Variants in RNF212B observed in about 807,000 individuals in gnomAD.
RNF212B encodes E3 ubiquitin-protein ligase RNF212B.
In RNF212B, 52 loss-of-function variants were observed where a neutral mutation model predicts 55.5. That is an observed-to-expected ratio of 0.94 (90% CI 0.75 to 1.18). The LOEUF (loss-of-function observed/expected upper bound fraction) is 1.18. RNF212B is among the 50% of genes most tolerant of loss of function. RNF212B has a pLI of 0.00. For missense variants in RNF212B, 289 were observed against 350.4 expected (o/e 0.82, Z 1.40); for synonymous variants, 99 against 121.4 (o/e 0.82, Z 1.21).
chr14:23,261,399 G>T (rs1044267124), intron 7 of RNF212B: 4 of 152,286 alleles, frequency 2.6e-5, no homozygotes, highest in Admixed American at 2.0e-4. Flanking sequence ...AATAAATTTT[G>T]CTTTTAAGAG....
At chr14:23,205,615 CCTTGTT>C (rs1002575515) in intron 2 of RNF212B, among the ~76,000 whole-genome samples, 28 of 152,164 alleles carry the variant, frequency 1.8e-4, no homozygotes, top group African/African-American at 6.5e-4. Context: ...TCCAAGCTGT[CCTTGTT>C]CATTCCTGGG....
intron 4 of RNF212B, among the ~76,000 whole-genome samples, chr14:23,255,708 T>G (rs1341555378): frequency 6.6e-6 from 1 of 152,150 alleles, no homozygotes; most frequent in African/African-American, 2.4e-5. Context: ...CTAAAAAAAT[T>G]TTTTTAATTT....
At chr14:23,271,965 A>C (rs1176737935) in intron 14 of RNF212B, among the ~76,000 whole-genome samples, 3 of 152,186 alleles carry the variant, frequency 2.0e-5, no homozygotes, top group Non-Finnish European at 4.4e-5. Flanking sequence ...GTACATACTA[A>C]AGTATTTATG....
intron 2 of RNF212B, among the ~76,000 whole-genome samples, chr14:23,222,022 C>T (rs1034472209): frequency 6.6e-5 from 10 of 151,908 alleles, no homozygotes; most frequent in African/African-American, 2.4e-4. Context: ...CTATAAGTGT[C>T]TACATCAAAA....
chr14:23,265,967 G>T (rs1885661569), intron 11 of RNF212B, among the ~76,000 whole-genome samples: 1 of 152,038 alleles, frequency 6.6e-6, no homozygotes, highest in Non-Finnish European at 1.5e-5. Context: ...TCATTCCAAA[G>T]GTTGTTTGTT....
rs984955607 is a variant in RNF212B, at chr14:23,259,967, A to C, written c.405+23A>C. 2.4e-6 allele frequency: 3 copies of C among 1,271,364 alleles called. No individual in the cohort carries two copies. The East Asian group carries it at 8.0e-5, about 34-fold the overall frequency. 78.8% of individuals were successfully genotyped at this position (1,271,364 alleles called of 1,614,324 possible). On this transcript the variant is annotated intron_variant, in intron 6 of 14. Coordinates refer to ENST00000430154, the MANE Select transcript of RNF212B (RefSeq NM_001282322.3). ...AAGGTGAATGAAATAGATTTTCCTT[A>C]TTATTATTTTCTCTCTTACTTTTCT...
At chr14:23,209,571 G>A (rs1043512419) in intron 2 of RNF212B, among the ~76,000 whole-genome samples, 1 of 152,134 alleles carries the variant, frequency 6.6e-6, no homozygotes, top group African/African-American at 2.4e-5. Flanking sequence ...TGGTGGAGTG[G>A]AAACAAATCT....
intron 2 of RNF212B, among the ~76,000 whole-genome samples, chr14:23,205,889 C>G (rs61976534): frequency 0.045 from 6,903 of 152,212 alleles, 205 homozygotes; most frequent in Non-Finnish European, 0.068. Context: ...AGTTTTGTAA[C>G]TTCTATGCCA....
chr14:23,189,864 C>T (rs1304740636), intron 1 of RNF212B, among the ~76,000 whole-genome samples: 1 of 152,074 alleles, frequency 6.6e-6, no homozygotes, highest in Admixed American at 6.5e-5. Flanking sequence ...TTTCAGCTAC[C>T]ACCCAACTTC....
intron 2 of RNF212B, among the ~76,000 whole-genome samples, chr14:23,222,478 T>C (rs912526731): frequency 7.2e-5 from 11 of 152,076 alleles, no homozygotes; most frequent in African/African-American, 2.7e-4. Flanking sequence ...AGTAACAAGA[T>C]AGAAGTCACA....
At chr14:23,224,223 A>G (rs1368578447) in intron 2 of RNF212B, among the ~76,000 whole-genome samples, 1 of 150,500 alleles carries the variant, frequency 6.6e-6, no homozygotes, top group Non-Finnish European at 1.5e-5. Flanking sequence ...ATTCTCCACA[A>G]ATATAGAATG....
At chr14:23,233,446 C>G (rs1225680222), upstream of RNF212B, among the ~76,000 whole-genome samples, 2 of 149,174 alleles carry the variant, frequency 1.3e-5, no homozygotes, top group Non-Finnish European at 3.0e-5. Context: ...AAAATTTTAT[C>G]TGGGTTTGGT....
In RNF212B at chr14:23,269,144, A is replaced by C. The variant is rs1053700922; in HGVS notation, c.674+181A>C. On this transcript the variant is annotated intron_variant, in intron 12 of 14. Coordinates refer to ENST00000430154, the MANE Select transcript of RNF212B (RefSeq NM_001282322.3). ...ACATGGCGAAACCCTGTCTCTACTA[A>C]AAATAAAAAATTAGCCGGGAGCGGT... Among the ~76,000 whole-genome samples the C allele has an allele frequency of 5.3e-5, 8 of 152,262 alleles. No homozygotes were observed. In the South Asian group the frequency reaches 1.7e-3, roughly 32 times the overall value.
upstream of RNF212B, among the ~76,000 whole-genome samples, chr14:23,235,213 GGA>G (rs1883015512): frequency 1.0e-5 from 1 of 99,922 alleles, no homozygotes; most frequent in Admixed American, 8.5e-5. Flanking sequence ...CTCTGTCTCA[GGA>G]AAAAAAAAAA....
intron 2 of RNF212B, among the ~76,000 whole-genome samples, chr14:23,200,420 G>A (rs553288023): frequency 1.3e-5 from 2 of 152,092 alleles, no homozygotes; most frequent in Middle Eastern, 3.4e-3. Flanking sequence ...CTGCCTCCTG[G>A]GATCAAGCAA....
intron 9 of RNF212B, among the ~76,000 whole-genome samples, chr14:23,263,718 G>A (rs751227037): frequency 6.6e-6 from 1 of 152,048 alleles, no homozygotes; most frequent in Non-Finnish European, 1.5e-5. Context: ...ATCCAGCTTC[G>A]GAGACTTTCT....
chr14:23,249,880 G>A (rs896965920), intron 4 of RNF212B, among the ~76,000 whole-genome samples: 1 of 152,124 alleles, frequency 6.6e-6, no homozygotes, highest in Non-Finnish European at 1.5e-5. Flanking sequence ...CCTCTGAACC[G>A]TCACGATAAT....
In RNF212B at chr14:23,258,600, C is replaced by A; in HGVS notation, c.280C>A (p.His94Asn). The A allele has an allele frequency of 1.3e-6, 2 of 1,544,034 alleles. No homozygotes were observed. The highest frequency in any genetic ancestry group is 2.4e-5 in the South Asian group (2 of 83,342). ...AGATCTCCTCATCGCCTTTTATAAG[C>A]ATAGAATTACAAAGTTAGAAACAGC... ...QTDLLIAFYK[H>N]RITKLETAMQ... The change falls in exon 5 of 15, where the codon CAT (histidine) becomes AAT (asparagine). Residue 94 changes from histidine (H) to asparagine (N), a missense_variant. His to Asn is a moderately conservative substitution (Grantham distance 68). Coordinates refer to ENST00000430154, the MANE Select transcript of RNF212B (RefSeq NM_001282322.3).
chr14:23,250,887 G>A (rs1253008181), intron 4 of RNF212B, among the ~76,000 whole-genome samples: 3 of 152,156 alleles, frequency 2.0e-5, no homozygotes, highest in Non-Finnish European at 4.4e-5. Flanking sequence ...ACCAATGGTT[G>A]CCTTCTTTTG....
Sources: allele counts gnomAD v4.1 joint callset (sites outside exome capture counted in the v4.1 genomes callset), GRCh38; gene constraint gnomAD v4.1.1; transcripts MANE v1.5; gene names NCBI Gene and HGNC (gene_info 2026-07-23, HGNC 2026-07-21).